AGBL1: variants seen among roughly 807,000 people sequenced by gnomAD.
AGBL1 encodes AGBL carboxypeptidase 1, also known as cytosolic carboxypeptidase 4.
Under a neutral mutation model 118.9 loss-of-function variants are expected in AGBL1, and 130 were observed. The ratio of observed to expected loss-of-function variants is 1.09; its 90% CI spans 0.95 to 1.26. The LOEUF is 1.26. AGBL1 is among the 50% of genes most tolerant of loss of function. The probability of loss-of-function intolerance (pLI) is 0.00; values close to 1 mark genes in which losing one functional copy is unlikely to be tolerated. For synonymous variants in AGBL1, 555 were observed against 478.9 expected (o/e 1.16, Z -2.08); for missense variants, 1,584 against 1,298.1 (o/e 1.22, Z -3.38).
At chr15:86,520,456 T>C (rs2083173500) in intron 18 of AGBL1, among the ~76,000 whole-genome samples, 1 of 152,190 alleles carries the variant, frequency 6.6e-6, no homozygotes, top group African/African-American at 2.4e-5. Context: ...TTTGGGCTTC[T>C]GGTTTCAGCA....
At chr15:86,302,460 G>C (rs1054857382) in intron 17 of AGBL1, among the ~76,000 whole-genome samples, 1 of 151,992 alleles carries the variant, frequency 6.6e-6, no homozygotes, top group African/African-American at 2.4e-5. Context: ...CAGAAGCAAG[G>C]AGACCTGGAT....
chr15:86,230,825 T>C (rs2078443574), intron 6 of AGBL1, among the ~76,000 whole-genome samples: 1 of 152,214 alleles, frequency 6.6e-6, no homozygotes, highest in Non-Finnish European at 1.5e-5. Context: ...AATTGACACA[T>C]GCAGTTTTTG....
rs900302542 is a variant in AGBL1, at chr15:86,142,326, C to G, written c.115+259C>G. The stretch of plus-strand genomic sequence containing the variant: ...GTAGTAACCCTCCGTGGTTCTACCC[C>G]TCTTCTCGCCCTGCTCGCTTCCATT... On this transcript the variant is annotated intron_variant, in intron 2 of 22. Coordinates refer to ENST00000614907, the MANE Select transcript of AGBL1 (RefSeq NM_001386094.1). Among the ~76,000 whole-genome samples the G allele has an allele frequency of 2.0e-5, 3 of 152,204 alleles. No individual in the cohort carries two copies. In the South Asian group the frequency reaches 6.2e-4, roughly 32 times the overall value.
chr15:86,469,284 C>T (rs1459690788), intron 18 of AGBL1, among the ~76,000 whole-genome samples: 1 of 152,118 alleles, frequency 6.6e-6, no homozygotes, highest in Non-Finnish European at 1.5e-5. Context: ...TGACTGACTG[C>T]TTCTATGAGT....
chr15:86,174,002 G>A (rs1012527751), intron 5 of AGBL1, among the ~76,000 whole-genome samples: 5 of 152,074 alleles, frequency 3.3e-5, no homozygotes, highest in African/African-American at 1.2e-4. Context: ...TTTTGATGGG[G>A]GTTGCATTGA....
intron 18 of AGBL1, among the ~76,000 whole-genome samples, chr15:86,513,905 A>G (rs2083083585): frequency 6.6e-6 from 1 of 152,034 alleles, no homozygotes; most frequent in South Asian, 2.1e-4. Context: ...CATTATTTAA[A>G]AATACTTCCT....
chr15:86,612,643 A>G (rs1252453324), intron 21 of AGBL1, among the ~76,000 whole-genome samples: 1 of 152,190 alleles, frequency 6.6e-6, no homozygotes, highest in Non-Finnish European at 1.5e-5. Flanking sequence ...TTTTACACCC[A>G]AATATATTTC....
chr15:86,264,482 C>T lies in AGBL1; in HGVS notation c.1311C>T (p.Asn437=). ...HLGSKKNPGV[N]LYQNVQSNSL... ...GCTCCAAAAAAAATCCTGGAGTGAACCTGTACCAAAATGTGCAATCCAATA... is the reference window on the plus strand; with the variant it reads ...GCTCCAAAAAAAATCCTGGAGTGAATCTGTACCAAAATGTGCAATCCAATA... Residue 437 remains asparagine (N), a synonymous_variant, in exon 11 of 23, where the codon AAC becomes AAT. Transcript: ENST00000614907. 1 of 1,614,012 alleles carries T rather than the reference C, an allele frequency of 6.2e-7. No homozygotes were observed. The highest frequency in any genetic ancestry group is 8.5e-7 in the Non-Finnish European group (1 of 1,179,886).
At chr15:86,545,882 AG>A in intron 19 of AGBL1, 119 bp from the exon 20 acceptor site, 1 of 1,260,304 alleles carries the variant, frequency 7.9e-7, no homozygotes, top group Non-Finnish European at 1.1e-6. Flanking sequence ...ACAGCATCCG[AG>A]AAAGTTGACA....
intron 18 of AGBL1, among the ~76,000 whole-genome samples, chr15:86,464,602 G>A (rs2082376584): frequency 6.6e-6 from 1 of 152,130 alleles, no homozygotes; most frequent in Admixed American, 6.5e-5. Context: ...TTATTATTTT[G>A]AGATATGTTC....
At chr15:86,514,403 G>A (rs898260528) in intron 18 of AGBL1, among the ~76,000 whole-genome samples, 25 of 152,008 alleles carry the variant, frequency 1.6e-4, no homozygotes, top group African/African-American at 6.0e-4. Context: ...ACAAATTTGT[G>A]TATTGTTCTT....
intron 7 of AGBL1, among the ~76,000 whole-genome samples, chr15:86,254,977 A>T (rs1219014113): frequency 6.6e-6 from 1 of 152,186 alleles, no homozygotes; most frequent in Non-Finnish European, 1.5e-5. Context: ...CTTCAAATTC[A>T]GTTCGTGGTA....
chr15:87,010,777 C>T (rs1388519202), intron 24 of AGBL1, among the ~76,000 whole-genome samples: 1 of 152,208 alleles, frequency 6.6e-6, no homozygotes, highest in Non-Finnish European at 1.5e-5. Flanking sequence ...CCTCAACCTT[C>T]ATAATGACAA....
At chr15:86,651,055 C>T (rs918316257) in intron 21 of AGBL1, among the ~76,000 whole-genome samples, 2 of 152,214 alleles carry the variant, frequency 1.3e-5, no homozygotes, top group African/African-American at 4.8e-5. Context: ...GTCTTTAAGA[C>T]ACCCTTTCCT....
chr15:86,141,134 T>C (rs924177055), intron 1 of AGBL1, among the ~76,000 whole-genome samples: 6 of 152,206 alleles, frequency 3.9e-5, no homozygotes, highest in African/African-American at 1.4e-4. Flanking sequence ...TATGTATTAC[T>C]TCAGGAGACT....
intron 18 of AGBL1, among the ~76,000 whole-genome samples, chr15:86,515,634 T>C (rs967519608): frequency 3.3e-5 from 5 of 152,250 alleles, no homozygotes; most frequent in African/African-American, 9.6e-5. Context: ...AATAATGTTA[T>C]GTTGTTCAAA....
Position 86,674,354 on chromosome 15 carries a change from G to A in AGBL1, c.3076G>A (p.Ala1026Thr), listed in dbSNP as rs777333054. ...LGLLILELKS[A>T]SCSHQLLAQA... The stretch of plus-strand genomic sequence containing the variant: ...CCTCCTCATCCTGGAGCTCAAATCT[G>A]CCAGCTGCAGCCATCAGCTCCTGGC... The change falls in exon 22 of 23, where the codon GCC becomes ACC. Residue 1026 changes from alanine to threonine, a missense_variant. Coordinates refer to ENST00000614907, the MANE Select transcript of AGBL1 (RefSeq NM_001386094.1). The A allele has an allele frequency of 1.9e-6, 3 of 1,612,584 alleles. No individual in the cohort carries two copies. The highest frequency in any genetic ancestry group is 1.1e-5 in the South Asian group (1 of 90,760).
chr15:86,228,679 T>C (rs1346052150), intron 6 of AGBL1, among the ~76,000 whole-genome samples: 1 of 152,220 alleles, frequency 6.6e-6, no homozygotes, highest in Non-Finnish European at 1.5e-5. Context: ...AAAGATCACC[T>C]GCATTGCATT....
intron 1 of AGBL1, among the ~76,000 whole-genome samples, chr15:86,141,795 C>T (rs530738073): frequency 2.0e-5 from 3 of 152,198 alleles, no homozygotes; most frequent in South Asian, 2.1e-4. Flanking sequence ...CTACAAGATA[C>T]GTCTGCAAAG....
Sources: gnomAD v4.1 joint callset for allele counts (sites outside exome capture counted in the v4.1 genomes callset) on GRCh38, gnomAD v4.1.1 for gene constraint, MANE v1.5 for transcripts, NCBI Gene and HGNC (gene_info 2026-07-23, HGNC 2026-07-21) for gene names.